IQSEC1: variants seen among roughly 807,000 people sequenced by gnomAD.
IQSEC1 encodes the protein IQ motif and SEC7 domain-containing protein 1.
In IQSEC1, 31 loss-of-function variants were observed where a neutral mutation model predicts 91.0. That is an observed-to-expected ratio of 0.34 (90% CI 0.26 to 0.46). IQSEC1 has a LOEUF of 0.46. Among genes scored for constraint, IQSEC1 ranks in the 20% least tolerant of loss-of-function variants. The probability of loss-of-function intolerance (pLI) is 1.00; values close to 1 mark genes in which losing one functional copy is unlikely to be tolerated. For missense variants in IQSEC1, 1,388 were observed against 1,575.6 expected, an observed-to-expected ratio of 0.88 and a Z score of 2.02; for synonymous variants, 699 against 662.6, an observed-to-expected ratio of 1.05 and a Z score of -0.84.
rs1052359946 is a variant in IQSEC1, at chr3:13,103,505, C to T, written c.303-55983G>A. Among the ~76,000 whole-genome samples the T allele has an allele frequency of 4.6e-5, 7 of 152,080 alleles. No individual in the cohort carries two copies. The highest frequency in any genetic ancestry group is 1.7e-4 in the African/African-American group (7 of 41,420). On this transcript the variant is annotated intron_variant, in intron 2 of 15. Coordinates refer to the IQSEC1 transcript ENST00000648114. This position sits in a 1 kb window ranked among gnomAD's most constrained non-coding sequence, Gnocchi z 4.1. The stretch of plus-strand genomic sequence containing the variant: ...GGCCGTGCTGCCTGGATGCCATCCA[C>T]ACCTGTCCCCGAGGAAGGGGCTGGG...
intron 1 of IQSEC1, among the ~76,000 whole-genome samples, chr3:13,220,774 C>T (rs1414569780): frequency 6.6e-6 from 1 of 152,222 alleles, no homozygotes; most frequent in African/African-American, 2.4e-5. Flanking sequence ...CCTGGACACT[C>T]ACGTCCCGGG....
chr3:13,191,057 G>C (rs371117708), intron 1 of IQSEC1, among the ~76,000 whole-genome samples: 1 of 152,162 alleles, frequency 6.6e-6, no homozygotes, highest in Non-Finnish European at 1.5e-5. Flanking sequence ...GACATACCCC[G>C]GTTCAGCATA....
intron 1 of IQSEC1, among the ~76,000 whole-genome samples, chr3:13,176,171 T>C (rs1018106469): frequency 6.6e-6 from 1 of 152,122 alleles, no homozygotes; most frequent in Non-Finnish European, 1.5e-5. Flanking sequence ...CCAAAAGCCA[T>C]GTGGCTGAGA....
At chr3:13,044,556 C>T (rs938129221) in intron 1 of IQSEC1, among the ~76,000 whole-genome samples, 4 of 152,344 alleles carry the variant, frequency 2.6e-5, no homozygotes, top group East Asian at 1.9e-4. Context: ...CCAGGCTGGA[C>T]GCAAGACACC....
intron 2 of IQSEC1, among the ~76,000 whole-genome samples, chr3:13,148,452 G>C (rs1278673913): frequency 6.6e-6 from 1 of 152,240 alleles, no homozygotes; most frequent in African/African-American, 2.4e-5. Flanking sequence ...CAGGAGTCTT[G>C]AGGGAGGGTC....
At chr3:13,254,511 G>A (rs1695252697) in intron 1 of IQSEC1, among the ~76,000 whole-genome samples, 1 of 152,234 alleles carries the variant, frequency 6.6e-6, no homozygotes, top group African/African-American at 2.4e-5. Flanking sequence ...GTTAGTGAGG[G>A]ATGAGCTGCA....
At chr3:13,196,710 T>C (rs1283895036) in intron 1 of IQSEC1, among the ~76,000 whole-genome samples, 1 of 152,046 alleles carries the variant, frequency 6.6e-6, no homozygotes, top group Non-Finnish European at 1.5e-5. Context: ...ATAATGAATA[T>C]CCCTGGCATG....
At position 12,941,601 on chromosome 3, in the gene IQSEC1, A is replaced by G. The variant is rs1344116574; in HGVS notation, c.288T>C (p.Tyr96=). The G allele has an allele frequency of 1.9e-6, 3 of 1,601,984 alleles. No individual in the cohort carries two copies. The highest frequency in any genetic ancestry group is 2.6e-6 in the Non-Finnish European group (3 of 1,173,050). ...IKRSRSLSES[Y]ELSSDLQDKQ... ...TGTCCTGCAGGTCCGAGGAGAGCTC[A>G]TAGCTCTCGGAGAGTGAGCGTGAGC... The change falls in exon 2 of 14, where the codon TAT becomes TAC. Residue 96 remains tyrosine (Y), a synonymous_variant. Transcript: ENST00000613206.
At chr3:13,058,904 C>T (rs1027760920) in intron 1 of IQSEC1, among the ~76,000 whole-genome samples, 3 of 152,124 alleles carry the variant, frequency 2.0e-5, no homozygotes, top group Non-Finnish European at 4.4e-5. Flanking sequence ...CACGGGGTGC[C>T]TGGTAGCTTT....
Position 12,922,102 on chromosome 3 carries a change from A to T in IQSEC1, c.1853+18T>A. 2 of 1,558,772 alleles carry T rather than the reference A, an allele frequency of 1.3e-6. No homozygotes were observed. The highest frequency in any genetic ancestry group is 1.7e-6 in the Non-Finnish European group (2 of 1,146,172). ...CATTCTTCCCTGATGCAGCAGCCCC[A>T]GCCAGCCCGGGCCCCACCTGAACGC... On this transcript the variant is annotated intron_variant, in intron 5 of 13. Coordinates refer to ENST00000613206, the MANE Select transcript of IQSEC1 (RefSeq NM_001134382.3). The surrounding 1 kb of genome is among the most constrained non-coding windows in gnomAD (Gnocchi z 5.1).
intron 1 of IQSEC1, among the ~76,000 whole-genome samples, chr3:13,173,870 C>G (rs1693667246): frequency 6.6e-6 from 1 of 152,226 alleles, no homozygotes; most frequent in African/African-American, 2.4e-5. Flanking sequence ...CTCAGATCTC[C>G]TGAATCAGGA....
At chr3:12,977,391 G>A (rs1701235254) in intron 1 of IQSEC1, among the ~76,000 whole-genome samples, 1 of 151,610 alleles carries the variant, frequency 6.6e-6, no homozygotes, top group South Asian at 2.1e-4. Flanking sequence ...CAAAACGAAT[G>A]GCCATCCTTG....
intron 1 of IQSEC1, among the ~76,000 whole-genome samples, chr3:13,197,282 A>G (rs1694150887): frequency 6.6e-6 from 1 of 152,204 alleles, no homozygotes; most frequent in Non-Finnish European, 1.5e-5. Flanking sequence ...GCAGCCCCCA[A>G]GCGCCCACAA....
At chr3:12,961,765 GCA>G (rs1700253744) in intron 1 of IQSEC1, among the ~76,000 whole-genome samples, 1 of 152,222 alleles carries the variant, frequency 6.6e-6, no homozygotes, top group Non-Finnish European at 1.5e-5. Context: ...TGCTGACTAT[GCA>G]CTGTTGAAGC....
At chr3:13,043,714 T>C (rs780315789) in intron 1 of IQSEC1, among the ~76,000 whole-genome samples, 1 of 152,244 alleles carries the variant, frequency 6.6e-6, no homozygotes, top group Admixed American at 6.5e-5. Context: ...GCCGGCCCAC[T>C]GGAGGAGCCT....
At chr3:13,227,375 C>CAAA (rs753199634) in intron 1 of IQSEC1, among the ~76,000 whole-genome samples, 2,860 of 69,878 alleles carry the variant, frequency 0.041, 235 homozygotes, top group African/African-American at 0.11. Context: ...GACTCTGTCT[C>CAAA]AAAAAAAAAA....
At chr3:13,151,186 CTA>C (rs1263275771) in intron 2 of IQSEC1, among the ~76,000 whole-genome samples, 2 of 152,208 alleles carry the variant, frequency 1.3e-5, no homozygotes, top group Non-Finnish European at 2.9e-5. Flanking sequence ...CTGGGAAATT[CTA>C]TGTCTCAGCA....
At chr3:13,195,212 CA>C (rs1649325427) in intron 1 of IQSEC1, among the ~76,000 whole-genome samples, 1 of 152,164 alleles carries the variant, frequency 6.6e-6, no homozygotes, top group Non-Finnish European at 1.5e-5. Context: ...ATAAGATACA[CA>C]GATGGCAAAT....
chr3:12,936,325 T>C lies in IQSEC1; in HGVS notation c.691A>G (p.Arg231Gly), dbSNP rs1332306971. ...GACTCGGCCAGTGATTTCACTTGCC[T>C]AGAGAAGGCGTCCTCCAGCTCGGTG... The part of the protein sequence containing the change: ...AITELEDAFS[R>G]QVKSLAESID... Residue 231 changes from arginine (R) to glycine (G), a missense_variant, in exon 3 of 14, where the codon AGG (arginine) becomes GGG (glycine). Around this residue, in one of 2 missense-constraint regions of IQSEC1, gnomAD observed 1,059 missense variants for 1,317.8 expected, o/e 0.80. Coordinates refer to ENST00000613206, the MANE Select transcript of IQSEC1 (RefSeq NM_001134382.3). The C allele has an allele frequency of 6.2e-7, 1 of 1,610,498 alleles. No individual in the cohort carries two copies. The highest frequency in any genetic ancestry group is 8.5e-7 in the Non-Finnish European group (1 of 1,177,774).
Sources: allele counts gnomAD v4.1 joint callset (sites outside exome capture counted in the v4.1 genomes callset), GRCh38; gene constraint gnomAD v4.1.1; regional missense constraint gnomAD v4.1.1; non-coding constraint Gnocchi (gnomAD v3.1); transcripts MANE v1.5; gene names NCBI Gene and HGNC (gene_info 2026-07-23, HGNC 2026-07-21).